Variants in SDK1 observed in about 807,000 individuals in gnomAD.
SDK1 encodes the protein sidekick cell adhesion molecule 1.
In SDK1, 157 loss-of-function variants were observed where a neutral mutation model predicts 245.5. That is an observed-to-expected ratio of 0.64 (90% CI 0.56 to 0.73). The LOEUF is 0.73. Ranked by LOEUF, SDK1 falls within the 30% of genes least tolerant of loss-of-function variation. The probability of loss-of-function intolerance (pLI) is 0.00; values close to 1 mark genes in which losing one functional copy is unlikely to be tolerated. For missense variants in SDK1, 3,583 were observed against 3,002.3 expected (o/e 1.19, Z -4.52); for synonymous variants, 1,647 against 1,278.5 (o/e 1.29, Z -6.15).
chr7:3,795,093 C>T (rs572593236), intron 4 of SDK1, among the ~76,000 whole-genome samples: 9 of 152,118 alleles, frequency 5.9e-5, no homozygotes, highest in Non-Finnish European at 1.0e-4. Flanking sequence ...GATAGGGTGA[C>T]AGAGCCTCAG....
intron 4 of SDK1, among the ~76,000 whole-genome samples, chr7:3,782,981 TAACA>T (rs1780790894): frequency 1.3e-5 from 2 of 152,282 alleles, no homozygotes; most frequent in East Asian, 3.9e-4. Context: ...AACAAAATAC[TAACA>T]AACTGAATTC....
chr7:3,562,837 A>G (rs898134032), intron 1 of SDK1, among the ~76,000 whole-genome samples: 4 of 112,674 alleles, frequency 3.6e-5, no homozygotes, highest in African/African-American at 7.2e-5. Flanking sequence ...AAAAGTTTCT[A>G]TATAAAGAGC....
chr7:3,478,358 A>G (rs1409303123), intron 1 of SDK1, among the ~76,000 whole-genome samples: 2 of 152,118 alleles, frequency 1.3e-5, no homozygotes, highest in Non-Finnish European at 2.9e-5. Flanking sequence ...TATTTTAGGC[A>G]TAATATATTA....
intron 4 of SDK1, among the ~76,000 whole-genome samples, chr7:3,689,810 T>C (rs899743117): frequency 4.6e-5 from 7 of 152,312 alleles, no homozygotes; most frequent in African/African-American, 1.4e-4. Flanking sequence ...TAATTCTAAA[T>C]TATTTTGAGT....
At chr7:3,736,394 G>C (rs1024279588) in intron 4 of SDK1, among the ~76,000 whole-genome samples, 1 of 152,054 alleles carries the variant, frequency 6.6e-6, no homozygotes. Context: ...CCGGGTTCAC[G>C]CCCTTCTCCT....
intron 15 of SDK1, 27 bp downstream of exon 15, chr7:4,011,140 G>T (rs1163875345): frequency 1.5e-5 from 24 of 1,610,178 alleles, no homozygotes; most frequent in Non-Finnish European, 1.9e-5. Context: ...CCAGGTGGGG[G>T]TGTGGAACAG....
At chr7:3,725,112 T>C (rs1392506185) in intron 4 of SDK1, among the ~76,000 whole-genome samples, 1 of 152,232 alleles carries the variant, frequency 6.6e-6, no homozygotes, top group African/African-American at 2.4e-5. Flanking sequence ...CTGAATCCTT[T>C]TTCAGTAGAT....
At chr7:4,225,814 A>G (rs370362575) in intron 40 of SDK1, among the ~76,000 whole-genome samples, 1 of 152,240 alleles carries the variant, frequency 6.6e-6, no homozygotes, top group South Asian at 2.1e-4. Flanking sequence ...CAACAGACTT[A>G]TCAAGAAGAC....
chr7:3,848,242 A>G (rs914236739), intron 5 of SDK1, among the ~76,000 whole-genome samples: 1 of 152,220 alleles, frequency 6.6e-6, no homozygotes, highest in Non-Finnish European at 1.5e-5. Flanking sequence ...AGATGGATTC[A>G]GGGGCATTTA....
At chr7:3,655,485 A>ATGTATGTATGTATGTATG (rs1443267233) in intron 4 of SDK1, among the ~76,000 whole-genome samples, 13 of 67,814 alleles carry the variant, frequency 1.9e-4, no homozygotes, top group African/African-American at 6.1e-4. Flanking sequence ...ATATATATAT[A>ATGTATGTATGTATGTATG]TATATATATA....
In SDK1 at chr7:3,679,419, TA is replaced by T. The variant is rs570748702; in HGVS notation, c.713+37315del. 2.7e-3 allele frequency among the ~76,000 whole-genome samples: 418 copies of T among 152,048 alleles called. 5 individuals are homozygous for T. The highest frequency in any genetic ancestry group is 1.0e-2 in the African/African-American group (413 of 41,464). On this transcript the variant is annotated intron_variant, in intron 4 of 44. Transcript: ENST00000404826. ...GTCTCTACTAAAAATACAAAAAAAT[TA>T]GCCGGGCGCGGTGGCGGGCGCCTGT...
chr7:3,949,661 C>G (rs1331102410), intron 5 of SDK1, among the ~76,000 whole-genome samples: 1 of 152,134 alleles, frequency 6.6e-6, no homozygotes, highest in African/African-American at 2.4e-5. Flanking sequence ...TTCATTTTCT[C>G]TAAATAAACA....
chr7:3,349,188 T>TAA (rs112013810), intron 1 of SDK1, among the ~76,000 whole-genome samples: 6,050 of 150,480 alleles, frequency 0.04, 425 homozygotes, highest in African/African-American at 0.14. Flanking sequence ...GGTTGCAGTT[T>TAA]AAAAAAAAAC....
intron 38 of SDK1, among the ~76,000 whole-genome samples, chr7:4,217,004 GCCACCCGGAGCACCACA>G (rs1472126664): frequency 1.5e-4 from 19 of 124,066 alleles, no homozygotes; most frequent in African/African-American, 2.8e-4. Flanking sequence ...GGAGCACCAG[GCCACCCGGAGCACCACA>G]CCACCCGGAG....
intron 1 of SDK1, among the ~76,000 whole-genome samples, chr7:3,454,424 G>GTGT (rs1554273966): frequency 2.5e-5 from 3 of 120,214 alleles, no homozygotes; most frequent in African/African-American, 7.2e-5. Flanking sequence ...GTGTGTGTGT[G>GTGT]CTGTGTACAT....
At chr7:4,210,643 G>A (rs1223688997) in intron 38 of SDK1, among the ~76,000 whole-genome samples, 4 of 152,222 alleles carry the variant, frequency 2.6e-5, no homozygotes, top group South Asian at 2.1e-4. Flanking sequence ...TCGCTCATCC[G>A]TCCCCTCAGC....
chr7:3,702,212 A>C (rs370417885), intron 4 of SDK1, among the ~76,000 whole-genome samples: 10 of 152,204 alleles, frequency 6.6e-5, no homozygotes, highest in African/African-American at 1.7e-4. Context: ...GTAATAAACT[A>C]TTTCTAAGCT....
chr7:3,540,274 G>A (rs957303319), intron 1 of SDK1, among the ~76,000 whole-genome samples: 1 of 152,242 alleles, frequency 6.6e-6, no homozygotes, highest in Non-Finnish European at 1.5e-5. Flanking sequence ...AGACATGGTT[G>A]CAGTCGCCTG....
rs546960712 is a variant in SDK1 at position 4,025,274 on chromosome 7, A to G, written c.2602+7922A>G. On this transcript the variant is annotated intron_variant, in intron 17 of 44. Coordinates refer to ENST00000404826, the MANE Select transcript of SDK1 (RefSeq NM_152744.4). ...ACTGATTCTTGCCTCCCTTTCGGAA[A>G]AAGCTTCCGCCGAACAGAGGATTCA... is the stretch of plus-strand genomic sequence containing the variant. Among the ~76,000 whole-genome samples the G allele has an allele frequency of 4.6e-5, 7 of 152,356 alleles. No individual in the cohort carries two copies. In the South Asian group the frequency reaches 1.2e-3, roughly 27 times the overall value.
Sources: gnomAD v4.1 joint callset for allele counts (sites outside exome capture counted in the v4.1 genomes callset) on GRCh38, gnomAD v4.1.1 for gene constraint, MANE v1.5 for transcripts, NCBI Gene and HGNC (gene_info 2026-07-23, HGNC 2026-07-21) for gene names.